The following UNC80 variants were observed in gnomAD, a reference collection of about 807,000 sequenced individuals.
The protein encoded by UNC80 is unc-80 subunit of NALCN channel complex, also known as protein unc-80 homolog.
UNC80 carries 164 observed loss-of-function variants against 384.6 expected under a neutral mutation model. The ratio of observed to expected loss-of-function variants is 0.43; its 90% confidence interval spans 0.38 to 0.49. UNC80 has a LOEUF of 0.49. UNC80 is among the 20% of genes least tolerant of loss of function. The pLI is 0.00. For synonymous variants in UNC80, 1,486 were observed against 1,527.8 expected (o/e 0.97, Z 0.64); for missense variants, 3,330 against 4,143.0 (o/e 0.80, Z 5.39).
chr2:209,931,666 C>G (rs1049727865), intron 38 of UNC80, among the ~76,000 whole-genome samples: 1 of 152,148 alleles, frequency 6.6e-6, no homozygotes, highest in African/African-American at 2.4e-5. Flanking sequence ...GAGCATACTC[C>G]TTCAGTTATC....
rs913298383 is a variant in UNC80 at position 209,894,270 on chromosome 2, G to A, written c.4384G>A (p.Gly1462Ser). 3 of 985,252 alleles carry A rather than the reference G, an allele frequency of 3.0e-6. No homozygotes were observed. Among genetic ancestry groups the A allele is most frequent in the Admixed American group, 6.2e-5 (1 of 16,258 alleles). 61.0% of individuals were successfully genotyped at this position (985,252 alleles called of 1,614,324 possible). ...TTCCTTGTCCAGCATTCGCCGGGTCGGCAGCTTAAAGAGCAGCAAGTTATC... is the reference window on the plus strand; with the variant it reads ...TTCCTTGTCCAGCATTCGCCGGGTCAGCAGCTTAAAGAGCAGCAAGTTATC... ...GGSLSSIRRV[G>S]SLKSSKLSRQ... The change falls in exon 27 of 65, where the codon GGC becomes AGC. Residue 1462 changes from glycine to serine, a missense_variant. This residue lies in a region of UNC80 where 801 missense variants were observed against 950.8 expected (regional missense o/e 0.84). Coordinates refer to ENST00000673920, the MANE Select transcript of UNC80 (RefSeq NM_001371986.1).
At chr2:209,846,898 A>C (rs2082210301) in intron 21 of UNC80, among the ~76,000 whole-genome samples, 1 of 152,146 alleles carries the variant, frequency 6.6e-6, no homozygotes, top group African/African-American at 2.4e-5. Flanking sequence ...TGTATCATTA[A>C]AAATACAGGA....
chr2:209,894,278 A>C lies in UNC80; in HGVS notation c.4392A>C (p.Leu1464Phe). Residue 1464 changes from leucine to phenylalanine, a missense_variant, in exon 27 of 65, where the codon TTA becomes TTC. By Grantham distance (22) the Leu-to-Phe change is conservative (BLOSUM62 0). Coordinates refer to ENST00000673920, the MANE Select transcript of UNC80 (RefSeq NM_001371986.1). ...CCAGCATTCGCCGGGTCGGCAGCTT[A>C]AAGAGCAGCAAGTTATCACGGCAGG... The part of the protein sequence containing the change: ...SLSSIRRVGS[L>F]KSSKLSRQDS... The C allele has an allele frequency of 2.0e-6, 2 of 985,414 alleles. No homozygotes were observed. The highest frequency in any genetic ancestry group is 2.4e-6 in the Non-Finnish European group (2 of 829,930). 61.0% of individuals were successfully genotyped at this position (985,414 alleles called of 1,614,324 possible).
chr2:209,991,895 G>A (rs2093399182), intron 61 of UNC80, among the ~76,000 whole-genome samples: 1 of 152,148 alleles, frequency 6.6e-6, no homozygotes, highest in East Asian at 1.9e-4. Context: ...TTCCAAACCA[G>A]GGGTGTGATC....
chr2:209,816,948 A>C lies in UNC80; in HGVS notation c.1375A>C (p.Ile459Leu). The C allele has an allele frequency of 6.4e-7, 1 of 1,551,716 alleles. No individual in the cohort carries two copies. The highest frequency in any genetic ancestry group is 8.7e-7 in the Non-Finnish European group (1 of 1,147,000). The change falls in exon 10 of 65, where the codon ATT becomes CTT. Residue 459 changes from isoleucine (I) to leucine (L), a missense_variant. Around this residue, in one of 8 missense-constraint regions of UNC80, gnomAD observed 937 missense variants for 1,026.8 expected, o/e 0.91. Coordinates refer to ENST00000673920, the MANE Select transcript of UNC80 (RefSeq NM_001371986.1). ...RKEDRERKGS[I>L]PFHHTGKRRP... ...AGAAGACCGAGAGAGGAAAGGCTCC[A>C]TTCCATTCCACCACACAGGCAAGAG...
At chr2:209,903,453 TTATA>T (rs1405676634) in intron 28 of UNC80, among the ~76,000 whole-genome samples, 1 of 106,864 alleles carries the variant, frequency 9.4e-6, no homozygotes, top group Non-Finnish European at 1.8e-5. Context: ...TTATATATAT[TTATA>T]TATACATTAT....
Position 209,831,607 on chromosome 2 carries a change from C to T in UNC80, c.2775+16C>T, listed in dbSNP as rs1462932731. On this transcript the variant is annotated intron_variant, in intron 16 of 64. Coordinates refer to ENST00000673920, the MANE Select transcript of UNC80 (RefSeq NM_001371986.1). ...TGAGAATCTGGTGAGAAGCTCTCCT[C>T]TCTTCCCACAGGAGCTCTCAGTCTC... 1.0e-5 allele frequency: 16 copies of T among 1,524,728 alleles called. No homozygotes were observed. The highest frequency in any genetic ancestry group is 1.4e-5 in the Non-Finnish European group (16 of 1,134,496). 94.4% of individuals were successfully genotyped at this position (1,524,728 alleles called of 1,614,324 possible).
In UNC80 at chr2:209,831,553, G is replaced by A. The variant is rs2080968781; in HGVS notation, c.2737G>A (p.Ala913Thr). The change falls in exon 16 of 65, where the codon GCT becomes ACT. Residue 913 changes from alanine to threonine, a missense_variant. Around this residue, in one of 8 missense-constraint regions of UNC80, gnomAD observed 937 missense variants for 1,026.8 expected, o/e 0.91. Transcript: ENST00000673920. ...AMFKSLITRC[A>T]STTHELHSPE... ...GTTTAAATCCCTCATCACACGCTGC[G>A]CTTCAACCACACATGAATTGCACAG... 6.5e-7 allele frequency: 1 copy of A among 1,550,084 alleles called. No individual in the cohort carries two copies. Among genetic ancestry groups the A allele is most frequent in the African/African-American group, 1.4e-5 (1 of 73,040 alleles).
chr2:209,820,389 G>A lies in UNC80; in HGVS notation c.2041G>A (p.Glu681Lys). The stretch of plus-strand genomic sequence containing the variant: ...CTGTGACGTGGCGCTAAACATTGTG[G>A]AATGCTTGCTTCAACTTGGTGTGGT... ...RICDVALNIV[E>K]CLLQLGVVPC... The change falls in exon 13 of 65, where the codon GAA (glutamate) becomes AAA (lysine). Residue 681 changes from glutamate (E) to lysine (K), a missense_variant. By Grantham distance (56) the Glu-to-Lys change is moderately conservative. This residue lies in a region of UNC80 where 937 missense variants were observed against 1,026.8 expected (regional missense o/e 0.91). Coordinates refer to ENST00000673920, the MANE Select transcript of UNC80 (RefSeq NM_001371986.1). 6.4e-7 allele frequency: 1 copy of A among 1,551,984 alleles called. No individual in the cohort carries two copies. Among genetic ancestry groups the A allele is most frequent in the Non-Finnish European group, 8.7e-7 (1 of 1,147,048 alleles).
intron 7 of UNC80, among the ~76,000 whole-genome samples, chr2:209,812,620 G>C (rs573241531): frequency 2.0e-5 from 3 of 152,262 alleles, no homozygotes; most frequent in African/African-American, 7.2e-5. Flanking sequence ...GTGCTTGGGA[G>C]TTAAGTTTAG....
At chr2:209,947,730 A>G (rs2091976128) in intron 47 of UNC80, among the ~76,000 whole-genome samples, 1 of 151,764 alleles carries the variant, frequency 6.6e-6, no homozygotes. Flanking sequence ...ATTTTTTTTA[A>G]AAGTATTTTA....
chr2:209,991,188 AGAAC>A (rs2093384778), intron 61 of UNC80, among the ~76,000 whole-genome samples: 1 of 152,212 alleles, frequency 6.6e-6, no homozygotes. Context: ...TATACTCTTA[AGAAC>A]TATCTGTAGA....
chr2:209,961,433 T>G (rs1481973360), intron 51 of UNC80: 2 of 152,226 alleles, frequency 1.3e-5, no homozygotes, highest in African/African-American at 4.8e-5. Context: ...TTGTAAGTAC[T>G]ATAATCACAT....
rs1255567801 is a variant in UNC80 at position 209,972,390 on chromosome 2, ATTTC to A, written c.8380+70_8380+73del. On this transcript the variant is annotated intron_variant, in intron 55 of 64. Coordinates refer to ENST00000673920, the MANE Select transcript of UNC80 (RefSeq NM_001371986.1). ...GTGTTCTCTTAAATGTCAGGCTGTT[ATTTC>A]TTTTTCCTGTTCCCATGAAGGCTAT... is the stretch of plus-strand genomic sequence containing the variant. 13 of 1,529,430 alleles carry A rather than the reference ATTTC, an allele frequency of 8.5e-6. No individual in the cohort carries two copies. The East Asian group carries it at 3.0e-4, about 35-fold the overall frequency. The allele number at this position is 1,529,430 out of a possible 1,614,324, so 94.7% of individuals were successfully genotyped here. A position where few individuals can be genotyped will look rare whatever the true frequency, so the allele number is the denominator to read the frequency against.
chr2:209,978,419 C>T (rs1466833640), intron 58 of UNC80, 110 bp from the exon 59 acceptor site: 3 of 908,550 alleles, frequency 3.3e-6, no homozygotes, highest in East Asian at 2.8e-5. Context: ...TTGTCTGGGA[C>T]ACATTATTTA....
At chr2:209,881,495 GT>G (rs1168277133) in intron 25 of UNC80, among the ~76,000 whole-genome samples, 1 of 152,070 alleles carries the variant, frequency 6.6e-6, no homozygotes, top group Non-Finnish European at 1.5e-5. Flanking sequence ...CTTAATGAGT[GT>G]TCTCTTTCAA....
chr2:209,891,745 A>T (rs372668403), intron 26 of UNC80, among the ~76,000 whole-genome samples: 5 of 152,162 alleles, frequency 3.3e-5, no homozygotes, highest in African/African-American at 1.2e-4. Flanking sequence ...TATCCATAAA[A>T]TGTCCTTAAT....
intron 43 of UNC80, among the ~76,000 whole-genome samples, chr2:209,940,762 A>C (rs2124978232): frequency 6.6e-6 from 1 of 152,332 alleles, no homozygotes; most frequent in Non-Finnish European, 1.5e-5. Context: ...GGTTGCAGTG[A>C]GCCGAGATTG....
chr2:209,904,726 T>TG (rs1240252525), intron 28 of UNC80, 39 bp from the exon 29 acceptor site: 19 of 1,534,344 alleles, frequency 1.2e-5, no homozygotes, highest in Non-Finnish European at 1.3e-5. Flanking sequence ...ATCTGTACCC[T>TG]GGTTGCCTGG....
Sources: allele counts gnomAD v4.1 joint callset (sites outside exome capture counted in the v4.1 genomes callset), GRCh38; gene constraint gnomAD v4.1.1; regional missense constraint gnomAD v4.1.1; transcripts MANE v1.5; gene names NCBI Gene and HGNC (gene_info 2026-07-23, HGNC 2026-07-21).